The following SATB1 variants were observed in gnomAD, a reference collection of about 807,000 sequenced individuals.
The protein encoded by SATB1 is SATB homeobox 1, also known as DNA-binding protein SATB1.
In SATB1, 11 loss-of-function variants were observed where a neutral mutation model predicts 86.9. That is an observed-to-expected ratio of 0.13 (90% CI 0.08 to 0.21). The LOEUF (loss-of-function observed/expected upper bound fraction) is 0.21, where lower values mean the gene tolerates loss of function less well. Among genes scored for constraint, SATB1 ranks in the 10% least tolerant of loss-of-function variants. SATB1 has a pLI of 1.00. For synonymous variants in SATB1, 357 were observed against 357.2 expected (o/e 1.00, Z 0.01); for missense variants, 551 against 937.6 (o/e 0.59, Z 5.39).
chr3:18,393,155 CTCATAA>C (rs1329959108), intron 7 of SATB1, among the ~76,000 whole-genome samples: 1 of 151,788 alleles, frequency 6.6e-6, no homozygotes, highest in African/African-American at 2.4e-5. Context: ...GAATTTTATT[CTCATAA>C]TCATAATCAT....
In SATB1 at chr3:18,352,552, C is replaced by G. The variant is rs1323308265; in HGVS notation, c.1576-357G>C. On this transcript the variant is annotated intron_variant, in intron 9 of 10. Coordinates refer to ENST00000338745, the MANE Select transcript of SATB1 (RefSeq NM_002971.6). The surrounding 1 kb of genome is among the most constrained non-coding windows in gnomAD (Gnocchi z 4.1). ...TGCTATCTGACGAGTGGCTGGCCAT[C>G]TGAGGATACGGAAGTGCCTAAGAGG... 1 of 228,554 alleles carries G rather than the reference C, an allele frequency of 4.4e-6. No individual in the cohort carries two copies. Among genetic ancestry groups the G allele is most frequent in the Non-Finnish European group, 8.8e-6 (1 of 113,688 alleles). 14.2% of individuals were successfully genotyped at this position (228,554 alleles called of 1,614,324 possible). A position where few individuals can be genotyped will look rare whatever the true frequency, so the allele number is the denominator to read the frequency against.
intron 2 of SATB1, among the ~76,000 whole-genome samples, chr3:18,420,162 C>T (rs948183505): frequency 1.3e-4 from 20 of 152,174 alleles, no homozygotes; most frequent in Admixed American, 3.3e-4. Flanking sequence ...AAAAGTCACA[C>T]AGTTACACAT....
intron 2 of SATB1, among the ~76,000 whole-genome samples, chr3:18,433,305 T>C (rs1194788751): frequency 3.9e-5 from 6 of 152,186 alleles, no homozygotes; most frequent in Admixed American, 1.3e-4. Context: ...ACAGCTGCAA[T>C]TGTAACAACT....
chr3:18,379,287 T>C (rs1291276748), intron 8 of SATB1, among the ~76,000 whole-genome samples: 1 of 152,206 alleles, frequency 6.6e-6, no homozygotes, highest in Non-Finnish European at 1.5e-5. Context: ...CACAGTAGTA[T>C]GAACTAGCCT....
chr3:18,419,583 C>T (rs770885640), intron 2 of SATB1, among the ~76,000 whole-genome samples: 7 of 152,096 alleles, frequency 4.6e-5, no homozygotes, highest in Non-Finnish European at 7.3e-5. Context: ...TGTTTGCAGG[C>T]GTCAGAAAGT....
chr3:18,445,403 C>G (rs933026086), intron 1 of SATB1: 1 of 984,682 alleles, frequency 1.0e-6, no homozygotes, highest in Non-Finnish European at 1.2e-6. Context: ...GGGGCGCACA[C>G]GGGGGTTGGC....
At chr3:18,385,449 C>T (rs62238552) in intron 8 of SATB1, among the ~76,000 whole-genome samples, 3,881 of 151,946 alleles carry the variant, frequency 0.026, 106 homozygotes, top group African/African-American at 0.064. Flanking sequence ...GGTGAAACCC[C>T]GTCTCTACTA....
chr3:18,365,242 G>C (rs1181348067), intron 9 of SATB1, among the ~76,000 whole-genome samples: 1 of 152,094 alleles, frequency 6.6e-6, no homozygotes, highest in East Asian at 1.9e-4. Context: ...AAATTGTTAC[G>C]GGTATTGACA....
intron 3 of SATB1, 33 bp from the exon 4 acceptor site, chr3:18,416,166 AT>A: frequency 6.4e-7 from 1 of 1,556,996 alleles, no homozygotes; most frequent in Non-Finnish European, 8.7e-7. Context: ...GTCACTAAAT[AT>A]TTTACCCTCA....
intron 9 of SATB1, among the ~76,000 whole-genome samples, chr3:18,369,237 T>G (rs917685375): frequency 1.3e-5 from 2 of 151,246 alleles, no homozygotes; most frequent in African/African-American, 4.9e-5. Context: ...CTTTCAGAAT[T>G]TAGGTTCAAA....
At chr3:18,364,636 C>A (rs1024979209) in intron 9 of SATB1, among the ~76,000 whole-genome samples, 1 of 151,616 alleles carries the variant, frequency 6.6e-6, no homozygotes, top group African/African-American at 2.4e-5. Context: ...GGTTAAGAAC[C>A]CCTAAATGGG....
At chr3:18,443,030 G>T (rs1351854343), upstream of SATB1, among the ~76,000 whole-genome samples, 1 of 152,192 alleles carries the variant, frequency 6.6e-6, no homozygotes, top group Non-Finnish European at 1.5e-5. This position sits in a 1 kb window ranked among gnomAD's most constrained non-coding sequence, Gnocchi z 4.4. Flanking sequence ...CAGACTTAAA[G>T]TATGGGTTTT....
In SATB1 at chr3:18,346,625, A is replaced by ATATC. The variant is rs1325207594; in HGVS notation, c.*2541_*2544dup. ...GTGTGTGTATGTGTGGGCATTTAAAATATCAAATTATCAAAACCACGCTGA... is the reference window on the plus strand; with the variant it reads ...GTGTGTGTATGTGTGGGCATTTAAAATATCTATCAAATTATCAAAACCACGCTGA... On this transcript the variant is annotated 3_prime_UTR_variant, in exon 11 of 11. Coordinates refer to ENST00000338745, the MANE Select transcript of SATB1 (RefSeq NM_002971.6). The ATATC allele has an allele frequency of 1.3e-5, 2 of 151,944 alleles. No homozygotes were observed. Among genetic ancestry groups the ATATC allele is most frequent in the Non-Finnish European group, 2.9e-5 (2 of 67,924 alleles). 9.4% of individuals were successfully genotyped at this position (151,944 alleles called of 1,614,324 possible). A position where few individuals can be genotyped will look rare whatever the true frequency, so the allele number is the denominator to read the frequency against.
chr3:18,390,236 T>C (rs1373431229), intron 7 of SATB1, among the ~76,000 whole-genome samples: 1 of 152,140 alleles, frequency 6.6e-6, no homozygotes, highest in Admixed American at 6.5e-5. Context: ...TAATCACTGA[T>C]TCAAATAGAT....
intron 5 of SATB1, among the ~76,000 whole-genome samples, chr3:18,414,638 A>G (rs1238229775): frequency 6.6e-6 from 1 of 152,068 alleles, no homozygotes; most frequent in Non-Finnish European, 1.5e-5. Context: ...GTACTAAAAT[A>G]CTTTTAATTT....
At chr3:18,421,247 T>C (rs955252353) in intron 1 of SATB1, 32 of 271,914 alleles carry the variant, frequency 1.2e-4, no homozygotes, top group African/African-American at 6.6e-4. Flanking sequence ...ATAAAAAAAC[T>C]AAGTGGGGAA....
Position 18,445,310 on chromosome 3 carries a change from G to T in SATB1, c.-25+208C>A, listed in dbSNP as rs1445512217. 3.0e-6 allele frequency: 3 copies of T among 985,498 alleles called. No homozygotes were observed. In the South Asian group the frequency reaches 1.4e-4, roughly 45 times the overall value. The allele number at this position is 985,498 out of a possible 1,614,324, so 61.0% of individuals were successfully genotyped here. ...CCGAGCCGCCGCCGCCGCCGCCGCT[G>T]CTGCGCACCGCTCCCGGGCTCCCTC... is the stretch of plus-strand genomic sequence containing the variant. On this transcript the variant is annotated intron_variant, in intron 1 of 3. Transcript: ENST00000415069.
intron 7 of SATB1, among the ~76,000 whole-genome samples, chr3:18,390,902 T>G (rs966615711): frequency 6.6e-6 from 1 of 152,160 alleles, no homozygotes; most frequent in Non-Finnish European, 1.5e-5. Context: ...AGAAGTGAAT[T>G]GAAAAGTAGA....
chr3:18,400,602 C>A (rs1464576350), intron 5 of SATB1, among the ~76,000 whole-genome samples: 1 of 152,166 alleles, frequency 6.6e-6, no homozygotes, highest in African/African-American at 2.4e-5. Flanking sequence ...CTTGAAGAGA[C>A]ATATTATCTG....
Sources: allele counts gnomAD v4.1 joint callset (sites outside exome capture counted in the v4.1 genomes callset), GRCh38; gene constraint gnomAD v4.1.1; non-coding constraint Gnocchi (gnomAD v3.1); transcripts MANE v1.5; gene names NCBI Gene and HGNC (gene_info 2026-07-23, HGNC 2026-07-21).